SEMA3D: variants seen among roughly 807,000 people sequenced by gnomAD.
SEMA3D encodes the protein semaphorin 3D.
A neutral mutation model predicts 100.1 loss-of-function variants in SEMA3D; 84 were observed. The observed-to-expected ratio is 0.84, with a 90% CI of 0.70 to 1.01. SEMA3D has a LOEUF of 1.01. Among genes scored for constraint, SEMA3D ranks in the 50% least tolerant of loss-of-function variants. The pLI, the probability that SEMA3D is intolerant of heterozygous loss-of-function variation, is 0.00. For missense variants in SEMA3D, 875 were observed against 934.1 expected (o/e 0.94, Z 0.82); for synonymous variants, 312 against 320.7 (o/e 0.97, Z 0.29).
chr7:85,141,763 G>A lies in SEMA3D; in HGVS notation c.-41+11845C>T, dbSNP rs745834296. Reference sequence around the variant, plus strand: ...AGAAACTGGGCTCTGTTTTCTCAAGGTTTTTGCCAAGTCTCATAAATCTGG... The same window carrying A: ...AGAAACTGGGCTCTGTTTTCTCAAGATTTTTGCCAAGTCTCATAAATCTGG... On this transcript the variant is annotated intron_variant, in intron 2 of 18. Transcript: ENST00000284136. 295 of 830,600 alleles carry A rather than the reference G, an allele frequency of 3.6e-4. 1 individual carries two copies. The highest frequency in any genetic ancestry group is 4.2e-4 in the Non-Finnish European group (287 of 689,086). The allele number at this position is 830,600 out of a possible 1,614,324, so 51.5% of individuals were successfully genotyped here.
intron 15 of SEMA3D, among the ~76,000 whole-genome samples, chr7:85,017,776 C>T (rs1216595511): frequency 6.6e-6 from 1 of 151,726 alleles, no homozygotes; most frequent in Non-Finnish European, 1.5e-5. Context: ...TCTTTAAACT[C>T]CCAACAAACT....
the SEMA3D span, among the ~76,000 whole-genome samples, chr7:85,239,745 ACTAC>A: frequency 2.0e-5 from 3 of 152,164 alleles, no homozygotes; most frequent in Non-Finnish European, 2.9e-5. Flanking sequence ...GTCGATAGCT[ACTAC>A]CTGTTTCACT....
intron 1 of SEMA3D, among the ~76,000 whole-genome samples, chr7:85,166,425 G>A (rs1211358380): frequency 1.3e-5 from 2 of 151,990 alleles, no homozygotes; most frequent in Non-Finnish European, 2.9e-5. Context: ...AAGGAGGCAA[G>A]TTTTAAGAAA....
At chr7:85,092,670 A>G (rs1788431719) in intron 4 of SEMA3D, among the ~76,000 whole-genome samples, 1 of 152,078 alleles carries the variant, frequency 6.6e-6, no homozygotes, top group African/African-American at 2.4e-5. Context: ...GCTAAATACT[A>G]TGACTATAGA....
intron 18 of SEMA3D, among the ~76,000 whole-genome samples, chr7:85,004,510 G>A (rs1438084671): frequency 6.6e-6 from 1 of 152,058 alleles, no homozygotes; most frequent in African/African-American, 2.4e-5. Flanking sequence ...TTTAAGAACA[G>A]TTTTATAAGA....
the SEMA3D span, among the ~76,000 whole-genome samples, chr7:85,250,154 TC>T: frequency 5.9e-5 from 9 of 151,854 alleles, no homozygotes; most frequent in Admixed American, 5.9e-4. Flanking sequence ...ACTGCGCTTT[TC>T]CGACAGGCTT....
intron 1 of SEMA3D, among the ~76,000 whole-genome samples, chr7:85,172,792 C>T (rs1436856289): frequency 3.3e-5 from 5 of 152,012 alleles, no homozygotes; most frequent in African/African-American, 7.2e-5. Context: ...CAAACGATCC[C>T]GTCTCTGGGC....
the SEMA3D span, among the ~76,000 whole-genome samples, chr7:85,242,710 T>G: frequency 3.9e-5 from 6 of 152,312 alleles, no homozygotes; most frequent in East Asian, 1.2e-3. Context: ...AATATTTTGA[T>G]GAAGCTCTGT....
chr7:85,020,503 C>T (rs1790225463), intron 13 of SEMA3D, among the ~76,000 whole-genome samples, 182 bp from the exon 14 acceptor site: 2 of 151,514 alleles, frequency 1.3e-5, no homozygotes, highest in Non-Finnish European at 3.0e-5. Context: ...CAAAATATAG[C>T]TTTTAGCTAG....
rs34901699 is a variant in SEMA3D, at chr7:85,009,585, TAA to T, written c.1769-2646_1769-2645del. Among the ~76,000 whole-genome samples the T allele has an allele frequency of 8.6e-3, 1,279 of 147,938 alleles. 17 individuals carry two copies. The highest frequency in any genetic ancestry group is 0.029 in the African/African-American group (1,199 of 40,774). On this transcript the variant is annotated intron_variant, in intron 17 of 18. Coordinates refer to ENST00000284136, the MANE Select transcript of SEMA3D (RefSeq NM_001384900.1). ...TATACAGGTGTCAATCACTTTTATT[TAA>T]AAAAAAAAACAACTTTTCTGAGCAA...
At chr7:85,060,524 T>C (rs1312475571) in intron 8 of SEMA3D, among the ~76,000 whole-genome samples, 1 of 152,158 alleles carries the variant, frequency 6.6e-6, no homozygotes, top group Non-Finnish European at 1.5e-5. Flanking sequence ...TTTTCTCCAT[T>C]TGGCACTTGA....
intron 2 of SEMA3D, among the ~76,000 whole-genome samples, chr7:85,133,788 T>G (rs955846777): frequency 6.6e-6 from 1 of 152,030 alleles, no homozygotes; most frequent in African/African-American, 2.4e-5. Flanking sequence ...TTATCAAATA[T>G]GATTGTTGTG....
At chr7:85,050,710 T>C in intron 9 of SEMA3D, 1 of 514,690 alleles carries the variant, frequency 1.9e-6, no homozygotes, top group South Asian at 2.9e-5. Flanking sequence ...TTACTTTGAC[T>C]ATGTTCAGAA....
At chr7:85,047,486 A>AT (rs1006393442) in intron 9 of SEMA3D, among the ~76,000 whole-genome samples, 15 of 151,668 alleles carry the variant, frequency 9.9e-5, no homozygotes, top group Non-Finnish European at 5.9e-5. Context: ...GTTAAACGTG[A>AT]TTTTATCTGT....
In SEMA3D at chr7:85,072,992, A is replaced by T; in HGVS notation, c.465T>A (p.Cys155Ter). The T allele has an allele frequency of 6.2e-7, 1 of 1,610,224 alleles. No homozygotes were observed. The highest frequency in any genetic ancestry group is 8.5e-7 in the Non-Finnish European group (1 of 1,177,120). The change falls in exon 6 of 19, where the codon TGT (cysteine) becomes TGA (stop). Residue 155 changes from cysteine to a stop codon, truncating the protein, a stop_gained. Coordinates refer to ENST00000284136, the MANE Select transcript of SEMA3D (RefSeq NM_001384900.1). LOFTEE classifies it high-confidence loss of function. ...VCGTGAFHPICGYIDLGVYKE... is the reference protein window; with the variant it reads ...VCGTGAFHPI ...TGTAGACTCCAAGATCAATATACCC[A>T]CATATTGGATGAAATGCTCCAGTTC...
rs55849524 is a variant in SEMA3D at position 85,050,072 on chromosome 7, AACACACACACACACACACAC to A, written c.861+5625_861+5644del. Among the ~76,000 whole-genome samples, 19 of 137,018 alleles carry A rather than the reference AACACACACACACACACACAC, an allele frequency of 1.4e-4. No individual in the cohort carries two copies. In the South Asian group the frequency reaches 2.0e-3, roughly 14 times the overall value. 89.9% of individuals were successfully genotyped at this position (137,018 alleles called of 152,430 possible). On this transcript the variant is annotated intron_variant, in intron 9 of 18. Coordinates refer to ENST00000284136, the MANE Select transcript of SEMA3D (RefSeq NM_001384900.1). ...ACTTAAAAGGTGGGTCTTGAAGGGAAACACACACACACACACACACACACACACACACACACACACACACA... is the reference window on the plus strand; with the variant it reads ...ACTTAAAAGGTGGGTCTTGAAGGGAAACACACACACACACACACACACACA...
At chr7:85,209,770 C>T in the SEMA3D span, among the ~76,000 whole-genome samples, 1 of 151,992 alleles carries the variant, frequency 6.6e-6, no homozygotes, top group South Asian at 2.1e-4. Context: ...AGTTGTTCAG[C>T]TCTTAAGCTT....
At chr7:85,233,399 T>C in the SEMA3D span, among the ~76,000 whole-genome samples, 12 of 152,186 alleles carry the variant, frequency 7.9e-5, 2 homozygotes, top group Admixed American at 2.0e-4. Flanking sequence ...CTTGAGTAAG[T>C]TTCCATGTAT....
chr7:85,002,118 G>A (rs1176872319), intron 18 of SEMA3D, among the ~76,000 whole-genome samples: 1 of 151,894 alleles, frequency 6.6e-6, no homozygotes, highest in East Asian at 1.9e-4. Context: ...GTACTTTGAG[G>A]TCTGGTTCCC....
Sources: gnomAD v4.1 joint callset for allele counts (sites outside exome capture counted in the v4.1 genomes callset) on GRCh38, gnomAD v4.1.1 for gene constraint, MANE v1.5 for transcripts, NCBI Gene and HGNC (gene_info 2026-07-23, HGNC 2026-07-21) for gene names.